PCDHGA10: variants seen among roughly 807,000 people sequenced by gnomAD.
PCDHGA10 encodes protocadherin gamma subfamily A, 10.
Under a neutral mutation model 59.5 loss-of-function variants are expected in PCDHGA10, and 42 were observed. The ratio of observed to expected loss-of-function variants is 0.71; its 90% confidence interval spans 0.55 to 0.91. The LOEUF (loss-of-function observed/expected upper bound fraction) is 0.91. Ranked by LOEUF, PCDHGA10 falls within the 40% of genes least tolerant of loss-of-function variation. The probability of loss-of-function intolerance (pLI) is 0.00; values close to 1 mark genes in which losing one functional copy is unlikely to be tolerated. For missense variants in PCDHGA10, 1,111 were observed against 1,198.2 expected, an observed-to-expected ratio of 0.93 and a Z score of 1.07; for synonymous variants, 511 against 517.2, an observed-to-expected ratio of 0.99 and a Z score of 0.16.
intron 1 of PCDHGA10, among the ~76,000 whole-genome samples, chr5:141,426,030 G>A (rs966664613): frequency 1.3e-5 from 2 of 152,168 alleles, no homozygotes; most frequent in Admixed American, 6.5e-5. Context: ...AATAGACTCA[G>A]AGCCCTGCTG....
At chr5:141,417,052 CTT>C (rs1308339867) in intron 1 of PCDHGA10, 2 of 151,464 alleles carry the variant, frequency 1.3e-5, no homozygotes, top group African/African-American at 4.9e-5. Context: ...AAAAACTGCT[CTT>C]GACATTGTAG....
intron 1 of PCDHGA10, among the ~76,000 whole-genome samples, chr5:141,457,440 A>G (rs188608086): frequency 3.9e-5 from 6 of 152,334 alleles, no homozygotes; most frequent in Non-Finnish European, 8.8e-5. Flanking sequence ...ACCAAGCTGC[A>G]GAAGATCACC....
At chr5:141,473,944 CTGTA>C (rs2099333270) in intron 1 of PCDHGA10, among the ~76,000 whole-genome samples, 2 of 152,156 alleles carry the variant, frequency 1.3e-5, no homozygotes, top group Non-Finnish European at 2.9e-5. Context: ...TAGCTCAGGC[CTGTA>C]GTCCCATCTA....
Position 141,414,260 on chromosome 5 carries a change from A to G in PCDHGA10, c.1085A>G (p.Glu362Gly). 6.2e-7 allele frequency: 1 copy of G among 1,613,444 alleles called. No individual in the cohort carries two copies. Among genetic ancestry groups the G allele is most frequent in the Non-Finnish European group, 8.5e-7 (1 of 1,179,728 alleles). Residue 362 changes from glutamate (E) to glycine (G), a missense_variant, in exon 1 of 4, where the codon GAA (glutamate) becomes GGA (glycine). Glu to Gly is a moderately conservative substitution (Grantham distance 98). Transcript: ENST00000398610. ...ACGTCTCTATTTAGTCCAGTGACTG[A>G]AGATTCACCTCTGGGAACAGTCGTA... Reference protein sequence around the residue: ...TITSLFSPVTEDSPLGTVVAL... With the variant: ...TITSLFSPVTGDSPLGTVVAL...
At chr5:141,497,060 G>T (rs1244885752) in intron 2 of PCDHGA10, among the ~76,000 whole-genome samples, 1 of 151,952 alleles carries the variant, frequency 6.6e-6, no homozygotes, top group Non-Finnish European at 1.5e-5. Context: ...GTGGTGGCAG[G>T]CACCTGTAAT....
chr5:141,419,214 T>C lies in PCDHGA10; in HGVS notation c.2436+3603T>C. On this transcript the variant is annotated intron_variant, in intron 1 of 3. Coordinates refer to ENST00000398610, the MANE Select transcript of PCDHGA10 (RefSeq NM_018913.3). ...GACGTCAATGACAACGCGCCGGTTT[T>C]CGGACAGTCAGCCTACCTGGTCCAC... 1.9e-6 allele frequency: 3 copies of C among 1,613,986 alleles called. No individual in the cohort carries two copies. In the South Asian group the frequency reaches 3.3e-5, roughly 18 times the overall value.
At position 141,500,878 on chromosome 5, in the gene PCDHGA10, T is replaced by A. The variant is rs545375199; in HGVS notation, c.2496-4515T>A. On this transcript the variant is annotated intron_variant, in intron 2 of 3. Transcript: ENST00000398610. The stretch of plus-strand genomic sequence containing the variant: ...AGAAAACATACACATTCATTTACAA[T>A]TTTTTTTTTTTGAGACAGTCTCGCT... Among the ~76,000 whole-genome samples, 20 of 92,410 alleles carry A rather than the reference T, an allele frequency of 2.2e-4. 1 individual carries two copies. The East Asian group carries it at 4.8e-3, about 22-fold the overall frequency. The allele number at this position is 92,410 out of a possible 152,430, so 60.6% of individuals were successfully genotyped here.
At chr5:141,455,874 T>C (rs2098834969) in intron 1 of PCDHGA10, among the ~76,000 whole-genome samples, 1 of 146,458 alleles carries the variant, frequency 6.8e-6, no homozygotes, top group South Asian at 2.1e-4. Flanking sequence ...TTTATTTATT[T>C]ATTTATTTAT....
At position 141,489,135 on chromosome 5, in the gene PCDHGA10, G is replaced by T; in HGVS notation, c.2437-5672G>T. The T allele has an allele frequency of 1.4e-6, 1 of 725,448 alleles. No individual in the cohort carries two copies. The highest frequency in any genetic ancestry group is 2.1e-6 in the Non-Finnish European group (1 of 470,770). 44.9% of individuals were successfully genotyped at this position (725,448 alleles called of 1,614,324 possible). ...GCAAACCTCCGAGCAGTTTTTAAGA[G>T]GCTGGAAGGAGACATAAGAGACTTC... On this transcript the variant is annotated intron_variant, in intron 1 of 3. Coordinates refer to ENST00000398610, the MANE Select transcript of PCDHGA10 (RefSeq NM_018913.3). The surrounding 1 kb of genome is among the most constrained non-coding windows in gnomAD (Gnocchi z 4.5).
At chr5:141,461,082 T>C (rs2099008648) in intron 1 of PCDHGA10, among the ~76,000 whole-genome samples, 1 of 152,070 alleles carries the variant, frequency 6.6e-6, no homozygotes, top group South Asian at 2.1e-4. Flanking sequence ...AATTGTGAAT[T>C]GTGCTGCTAT....
At chr5:141,494,268 C>G (rs576129333) in intron 1 of PCDHGA10, among the ~76,000 whole-genome samples, 31 of 152,288 alleles carry the variant, frequency 2.0e-4, no homozygotes, top group African/African-American at 7.2e-4. Flanking sequence ...TTCTTGCAAG[C>G]CAAGGGCCCA....
At chr5:141,497,468 G>A (rs912445126) in intron 2 of PCDHGA10, among the ~76,000 whole-genome samples, 10 of 151,996 alleles carry the variant, frequency 6.6e-5, no homozygotes, top group African/African-American at 2.4e-4. Flanking sequence ...GAGATATGGA[G>A]GAGAAGGTGC....
intron 1 of PCDHGA10, among the ~76,000 whole-genome samples, chr5:141,450,951 A>G (rs1018018318): frequency 1.3e-5 from 2 of 151,732 alleles, no homozygotes; most frequent in Non-Finnish European, 2.9e-5. Context: ...CAGCCTCCCA[A>G]GTAGCTGGGA....
chr5:141,491,783 A>C lies in PCDHGA10; in HGVS notation c.2437-3024A>C. 1 of 1,539,736 alleles carries C rather than the reference A, an allele frequency of 6.5e-7. No individual in the cohort carries two copies. The highest frequency in any genetic ancestry group is 1.2e-5 in the South Asian group (1 of 82,444). On this transcript the variant is annotated intron_variant, in intron 1 of 3. Coordinates refer to ENST00000398610, the MANE Select transcript of PCDHGA10 (RefSeq NM_018913.3). The surrounding 1 kb of genome is among the most constrained non-coding windows in gnomAD (Gnocchi z 6.9). ...CGTCCTCATAAGGGATTGAACTTGC[A>C]TCCACTCCTCTCCGGCCGGCTTGGT...
At chr5:141,510,404 G>T (rs1596286932) in intron 3 of PCDHGA10, among the ~76,000 whole-genome samples, 2 of 152,252 alleles carry the variant, frequency 1.3e-5, no homozygotes, top group East Asian at 3.9e-4. Context: ...AAAGGCTAGG[G>T]GCATGTAAAG....
intron 1 of PCDHGA10, among the ~76,000 whole-genome samples, chr5:141,447,450 C>G (rs540357899): frequency 1.3e-5 from 2 of 152,082 alleles, no homozygotes; most frequent in African/African-American, 2.4e-5. Context: ...AATTTTTAAC[C>G]TCAGTTTTTC....
Position 141,477,778 on chromosome 5 carries a change from C to T in PCDHGA10, c.2437-17029C>T, listed in dbSNP as rs866423908. On this transcript the variant is annotated intron_variant, in intron 1 of 3. Transcript: ENST00000398610. This position sits in a 1 kb window ranked among gnomAD's most constrained non-coding sequence, Gnocchi z 4.9. ...TCCTAGCCACCAACATCAGCGTGAA[C>T]ATATTTGTCACTGATCGCAATGACA... 2.5e-6 allele frequency: 4 copies of T among 1,614,052 alleles called. No homozygotes were observed. In the African/African-American group the frequency reaches 5.3e-5, roughly 22 times the overall value.
chr5:141,474,170 T>G (rs535586079), intron 1 of PCDHGA10, among the ~76,000 whole-genome samples: 1 of 152,346 alleles, frequency 6.6e-6, no homozygotes, highest in South Asian at 2.1e-4. Flanking sequence ...GCCTTATTAT[T>G]GAGAAAACTA....
In PCDHGA10 at chr5:141,413,043, C is replaced by A; in HGVS notation, c.-133C>A. On this transcript the variant is annotated 5_prime_UTR_variant, in exon 1 of 4. Coordinates refer to ENST00000398610, the MANE Select transcript of PCDHGA10 (RefSeq NM_018913.3). The stretch of plus-strand genomic sequence containing the variant: ...GCCCCACAAACCGGCTGCTGGGCTG[C>A]AGGGAAGCTCACTCCAGAATTTAAA... 1 of 864,340 alleles carries A rather than the reference C, an allele frequency of 1.2e-6. No individual in the cohort carries two copies. Among genetic ancestry groups the A allele is most frequent in the Non-Finnish European group, 1.7e-6 (1 of 582,488 alleles). 53.5% of individuals were successfully genotyped at this position (864,340 alleles called of 1,614,324 possible).
Sources: allele counts gnomAD v4.1 joint callset (sites outside exome capture counted in the v4.1 genomes callset), GRCh38; gene constraint gnomAD v4.1.1; non-coding constraint Gnocchi (gnomAD v3.1); transcripts MANE v1.5; gene names NCBI Gene and HGNC (gene_info 2026-07-23, HGNC 2026-07-21).